The following HK1 variants were observed in gnomAD, a reference collection of about 807,000 sequenced individuals.
HK1 encodes hexokinase 1, also known as hexokinase-1.
In HK1, 28 loss-of-function variants were observed where a neutral mutation model predicts 91.6. The observed-to-expected ratio is 0.31, with a 90% CI of 0.23 to 0.42. The LOEUF (loss-of-function observed/expected upper bound fraction) is 0.42, where lower values mean the gene tolerates loss of function less well. Ranked by LOEUF, HK1 falls within the 10% of genes least tolerant of loss-of-function variation. HK1 has a pLI of 1.00. For synonymous variants in HK1, 430 were observed against 468.1 expected, an observed-to-expected ratio of 0.92 and a Z score of 1.05; for missense variants, 770 against 1,219.8, an observed-to-expected ratio of 0.63 and a Z score of 5.49.
At chr10:69,287,878 C>G (rs1451219571) in intron 2 of HK1, among the ~76,000 whole-genome samples, 1 of 152,006 alleles carries the variant, frequency 6.6e-6, no homozygotes, top group East Asian at 1.9e-4. Flanking sequence ...GTGGCTTACA[C>G]CTGTAATCCC....
At position 69,369,473 on chromosome 10, in the gene HK1, C is replaced by A; in HGVS notation, c.724C>A (p.Leu242Met). 6.2e-7 allele frequency: 1 copy of A among 1,614,190 alleles called. No individual in the cohort carries two copies. Among genetic ancestry groups the A allele is most frequent in the Non-Finnish European group, 8.5e-7 (1 of 1,180,040 alleles). The part of the protein sequence containing the change: ...TGTNACYMEE[L>M]RHIDLVEGDE... Reference sequence around the variant, plus strand: ...CACCAATGCTTGCTACATGGAGGAACTGAGGCACATTGATCTGGTGGAAGG... The same window carrying A: ...CACCAATGCTTGCTACATGGAGGAAATGAGGCACATTGATCTGGTGGAAGG... Residue 242 changes from leucine to methionine, a missense_variant, in exon 7 of 18, where the codon CTG becomes ATG. Around this residue, in one of 7 missense-constraint regions of HK1, gnomAD observed 449 missense variants for 665.1 expected, o/e 0.68. Coordinates refer to ENST00000359426, the MANE Select transcript of HK1 (RefSeq NM_000188.3). This position sits in a 1 kb window ranked among gnomAD's most constrained non-coding sequence, Gnocchi z 4.4.
intron 2 of HK1, among the ~76,000 whole-genome samples, chr10:69,356,213 A>G (rs1251668377): frequency 6.6e-6 from 1 of 151,736 alleles, no homozygotes; most frequent in Non-Finnish European, 1.5e-5. Flanking sequence ...AAGCAAGAGG[A>G]TCACTTGAGC....
At chr10:69,319,892 C>G (rs951013594) in intron 1 of HK1, among the ~76,000 whole-genome samples, 3 of 150,500 alleles carry the variant, frequency 2.0e-5, no homozygotes, top group African/African-American at 7.3e-5. Context: ...GGAAAGACGC[C>G]CGTTTTATCA....
chr10:69,391,755 ATGT>A (rs1304920292), intron 14 of HK1, among the ~76,000 whole-genome samples: 1 of 152,226 alleles, frequency 6.6e-6, no homozygotes, highest in Non-Finnish European at 1.5e-5. Flanking sequence ...TGTGTGCATG[ATGT>A]TGTGTGTGTA....
In HK1 at chr10:69,369,472, A is replaced by G; in HGVS notation, c.723A>G (p.Glu241=). ...GTGTNACYME[E]LRHIDLVEGD... ...GCACCAATGCTTGCTACATGGAGGA[A>G]CTGAGGCACATTGATCTGGTGGAAG... is the stretch of plus-strand genomic sequence containing the variant. Residue 241 remains glutamate, a synonymous_variant, in exon 7 of 18, where the codon GAA becomes GAG. Coordinates refer to ENST00000359426, the MANE Select transcript of HK1 (RefSeq NM_000188.3). The surrounding 1 kb of genome is among the most constrained non-coding windows in gnomAD (Gnocchi z 4.4). 6.2e-7 allele frequency: 1 copy of G among 1,614,228 alleles called. No homozygotes were observed.
chr10:69,305,777 C>T (rs1453601953), intron 5 of HK1, among the ~76,000 whole-genome samples: 1 of 150,914 alleles, frequency 6.6e-6, no homozygotes, highest in African/African-American at 2.4e-5. Flanking sequence ...CGTTTGAACC[C>T]GGGAGGCAGA....
At chr10:69,293,051 C>A (rs1198153450) in intron 3 of HK1, among the ~76,000 whole-genome samples, 1 of 152,174 alleles carries the variant, frequency 6.6e-6, no homozygotes, top group Non-Finnish European at 1.5e-5. Flanking sequence ...TCCACTGGCT[C>A]CAGAGCAGGC....
intron 5 of HK1, among the ~76,000 whole-genome samples, chr10:69,303,754 C>A (rs1489396511): frequency 2.0e-5 from 3 of 152,186 alleles, no homozygotes; most frequent in Non-Finnish European, 4.4e-5. Flanking sequence ...GATTCATCAA[C>A]AGGGGAATTG....
intron 1 of HK1, among the ~76,000 whole-genome samples, chr10:69,329,698 C>T (rs1847597715): frequency 6.6e-6 from 1 of 152,202 alleles, no homozygotes; most frequent in African/African-American, 2.4e-5. Context: ...TTACACCCAA[C>T]TCTCATTGTG....
intron 16 of HK1, among the ~76,000 whole-genome samples, chr10:69,395,390 A>T (rs1230247966): frequency 6.6e-6 from 1 of 152,094 alleles, no homozygotes; most frequent in African/African-American, 2.4e-5. Flanking sequence ...CATCCTGGCT[A>T]ACATGGTGAA....
At chr10:69,396,524 A>T (rs888476329) in intron 16 of HK1, among the ~76,000 whole-genome samples, 5 of 78,064 alleles carry the variant, frequency 6.4e-5, no homozygotes, top group Non-Finnish European at 1.3e-4. Flanking sequence ...CACCCCAGCA[A>T]CCACCATTCT....
At chr10:69,387,321 C>T (rs1449598774) in intron 13 of HK1, among the ~76,000 whole-genome samples, 1 of 152,160 alleles carries the variant, frequency 6.6e-6, no homozygotes, top group East Asian at 1.9e-4. Flanking sequence ...CAGGGTCTTA[C>T]TCTGTCACCC....
chr10:69,326,058 A>G (rs1298078703), intron 1 of HK1, among the ~76,000 whole-genome samples: 1 of 149,666 alleles, frequency 6.7e-6, no homozygotes, highest in Non-Finnish European at 1.5e-5. Context: ...CTGGTCTTGA[A>G]TTCCTGACCT....
At chr10:69,357,565 C>T (rs1322534460) in intron 2 of HK1, among the ~76,000 whole-genome samples, 3 of 152,136 alleles carry the variant, frequency 2.0e-5, no homozygotes, top group Non-Finnish European at 2.9e-5. Context: ...ATTCTCCTAC[C>T]TCAGTCTCCA....
At chr10:69,335,623 C>G (rs1007307128) in intron 1 of HK1, among the ~76,000 whole-genome samples, 8 of 152,242 alleles carry the variant, frequency 5.3e-5, no homozygotes, top group Non-Finnish European at 1.0e-4. Context: ...CTCCTGGCCA[C>G]TCATTCTTGC....
upstream of HK1, chr10:69,318,131 C>T (rs750172641): frequency 4.5e-5 from 44 of 985,320 alleles, no homozygotes; most frequent in Non-Finnish European, 5.1e-5. Flanking sequence ...GACTCGGGGG[C>T]GGGTGCTCTG....
intron 9 of HK1, 98 bp from the exon 10 acceptor site, chr10:69,382,389 G>T: frequency 1.5e-6 from 2 of 1,314,230 alleles, no homozygotes; most frequent in African/African-American, 1.5e-5. Context: ...AAAAGGAAAA[G>T]AAAAAAGAGT....
At chr10:69,289,702 C>T (rs1435067657) in intron 3 of HK1, among the ~76,000 whole-genome samples, 1 of 151,126 alleles carries the variant, frequency 6.6e-6, no homozygotes, top group Non-Finnish European at 1.5e-5. Flanking sequence ...GAAACCCTGG[C>T]TTCATATGAT....
intron 3 of HK1, chr10:69,295,486 T>G (rs1377967022): frequency 2.9e-6 from 2 of 684,180 alleles, no homozygotes; most frequent in African/African-American, 1.8e-5. Context: ...TTGGTAATCA[T>G]GATAGAATTT....
Sources: allele counts gnomAD v4.1 joint callset (sites outside exome capture counted in the v4.1 genomes callset), GRCh38; gene constraint gnomAD v4.1.1; regional missense constraint gnomAD v4.1.1; non-coding constraint Gnocchi (gnomAD v3.1); transcripts MANE v1.5; gene names NCBI Gene and HGNC (gene_info 2026-07-23, HGNC 2026-07-21).